DHX35: variants seen among roughly 807,000 people sequenced by gnomAD.
DHX35 encodes probable ATP-dependent RNA helicase DHX35.
In DHX35, 84 loss-of-function variants were observed where a neutral mutation model predicts 99.6. The ratio of observed to expected loss-of-function variants is 0.84; its 90% CI spans 0.71 to 1.01. DHX35 has a LOEUF of 1.01. DHX35 is among the 50% of genes least tolerant of loss of function. The probability of loss-of-function intolerance (pLI) is 0.00; values close to 1 mark genes in which losing one functional copy is unlikely to be tolerated. For synonymous variants in DHX35, 331 were observed against 316.2 expected, an observed-to-expected ratio of 1.05 and a Z score of -0.50; for missense variants, 852 against 888.5, an observed-to-expected ratio of 0.96 and a Z score of 0.52.
At chr20:39,030,932 G>A (rs1250627739) in intron 20 of DHX35, among the ~76,000 whole-genome samples, 157 bp downstream of exon 20, 9 of 152,208 alleles carry the variant, frequency 5.9e-5, no homozygotes, top group Non-Finnish European at 1.2e-4. Flanking sequence ...GGAGGCCAAT[G>A]TAGGCAGGTC....
chr20:39,033,889 C>T lies in DHX35; in HGVS notation c.1956-317C>T, dbSNP rs188537832. On this transcript the variant is annotated intron_variant, in intron 20 of 21. Transcript: ENST00000252011. ...AGGCAAGTCTTTGCCTCCATTTCTG[C>T]ATTTTCTAATAAAGTCATTAGGCTC... Among the ~76,000 whole-genome samples the T allele has an allele frequency of 4.5e-3, 680 of 152,322 alleles. 1 individual carries two copies. The highest frequency in any genetic ancestry group is 8.4e-3 in the Admixed American group (129 of 15,304).
chr20:38,984,802 A>C (rs964679242), intron 4 of DHX35, among the ~76,000 whole-genome samples: 1 of 151,844 alleles, frequency 6.6e-6, no homozygotes, highest in Non-Finnish European at 1.5e-5. Context: ...GAATGGATTC[A>C]TTACTCATCA....
chr20:39,016,723 GA>G (rs1245452627), intron 14 of DHX35, among the ~76,000 whole-genome samples: 2 of 152,192 alleles, frequency 1.3e-5, no homozygotes, highest in Admixed American at 1.3e-4. Context: ...TAGTGGGTGT[GA>G]AATGGTATCT....
chr20:39,035,703 G>A (rs762644792), intron 21 of DHX35, among the ~76,000 whole-genome samples: 10 of 152,304 alleles, frequency 6.6e-5, no homozygotes, highest in East Asian at 5.8e-4. Flanking sequence ...GCCAGGTGCC[G>A]TAGTCCCATG....
intron 2 of DHX35, among the ~76,000 whole-genome samples, chr20:38,972,045 G>T: frequency 8.7e-6 from 1 of 114,916 alleles, no homozygotes. Flanking sequence ...GTCTCACCCT[G>T]TTGCTCAGGC....
chr20:39,012,397 G>T (rs1393805334), intron 13 of DHX35, among the ~76,000 whole-genome samples: 1 of 152,124 alleles, frequency 6.6e-6, no homozygotes, highest in Non-Finnish European at 1.5e-5. Context: ...ATCATTTACA[G>T]TAAATATTCA....
intron 20 of DHX35, among the ~76,000 whole-genome samples, chr20:39,032,675 C>A (rs2087075536): frequency 6.6e-6 from 1 of 152,166 alleles, no homozygotes; most frequent in African/African-American, 2.4e-5. Context: ...ATCAGTATCA[C>A]CTGGAAACTT....
In DHX35 at chr20:38,991,532, TA is replaced by T; in HGVS notation, c.512+18del. 20 of 1,610,562 alleles carry T rather than the reference TA, an allele frequency of 1.2e-5. No individual in the cohort carries two copies. Among genetic ancestry groups the T allele is most frequent in the Non-Finnish European group, 1.7e-5 (20 of 1,177,974 alleles). On this transcript the variant is annotated intron_variant, in intron 6 of 21. Coordinates refer to ENST00000252011, the MANE Select transcript of DHX35 (RefSeq NM_021931.4). The stretch of plus-strand genomic sequence containing the variant: ...AAAATATAGGTAAATGTGTTTTTCT[TA>T]TGATAGCTTTCCTAGTTTCCAAAGT...
In DHX35 at chr20:39,036,523, C is replaced by T. The variant is rs4812353; in HGVS notation, c.2068-1976C>T. Reference sequence around the variant, plus strand: ...GGTGGAACACATGAGGACAGGAGTTCGAGACCAGCCTGGCCAACATGGTGA... The same window carrying T: ...GGTGGAACACATGAGGACAGGAGTTTGAGACCAGCCTGGCCAACATGGTGA... On this transcript the variant is annotated intron_variant, in intron 21 of 21. Coordinates refer to ENST00000252011, the MANE Select transcript of DHX35 (RefSeq NM_021931.4). Among the ~76,000 whole-genome samples the T allele has an allele frequency of 7.0e-3, 1,067 of 151,842 alleles. 38 individuals are homozygous for T. The highest frequency in any genetic ancestry group is 0.046 in the Admixed American group (706 of 15,250).
At chr20:38,995,030 AG>A in intron 8 of DHX35, 150 bp downstream of exon 8, 1 of 637,780 alleles carries the variant, frequency 1.6e-6, no homozygotes, top group Non-Finnish European at 2.8e-6. Flanking sequence ...TCATATAATC[AG>A]AGGTTACTCC....
chr20:39,014,923 A>T lies in DHX35; in HGVS notation c.1391A>T (p.Tyr464Phe). 1 of 1,614,126 alleles carries T rather than the reference A, an allele frequency of 6.2e-7. No individual in the cohort carries two copies. The highest frequency in any genetic ancestry group is 1.3e-5 in the African/African-American group (1 of 75,016). Residue 464 changes from tyrosine (Y) to phenylalanine (F), a missense_variant, in exon 14 of 22, where the codon TAT (tyrosine) becomes TTT (phenylalanine). Physicochemically the swap from Tyr to Phe is conservative, Grantham distance 22. Transcript: ENST00000252011. ...ATGGTTCAAGCCTTGGAGTTACTGT[A>T]TGCTCTGGGAGGTATGCCAGTTTCT... ...QSMVQALELLYALGGLDKDCR... is the reference protein window; with the variant it reads ...QSMVQALELLFALGGLDKDCR...
At chr20:39,016,887 T>A (rs1479644213) in intron 14 of DHX35, among the ~76,000 whole-genome samples, 2 of 151,018 alleles carry the variant, frequency 1.3e-5, no homozygotes, top group South Asian at 2.1e-4. Context: ...TTTTTTTTTT[T>A]AAATTGAGTT....
chr20:38,985,439 C>T (rs752979945), intron 4 of DHX35, among the ~76,000 whole-genome samples: 1 of 149,992 alleles, frequency 6.7e-6, no homozygotes, highest in Non-Finnish European at 1.5e-5. Flanking sequence ...GTGGCCTTTA[C>T]CTGGACAAAC....
intron 7 of DHX35, among the ~76,000 whole-genome samples, 155 bp downstream of exon 7, chr20:38,992,580 T>C (rs1207971444): frequency 2.0e-5 from 3 of 151,342 alleles, no homozygotes; most frequent in South Asian, 4.2e-4. Context: ...AGTGGTAGAA[T>C]GTTGGTATAT....
chr20:38,967,140 C>T (rs2085923494), intron 1 of DHX35, among the ~76,000 whole-genome samples: 1 of 152,146 alleles, frequency 6.6e-6, no homozygotes, highest in Admixed American at 6.5e-5. Flanking sequence ...TCTACGGACC[C>T]CCCCGAATTT....
chr20:39,028,446 T>C lies in DHX35; in HGVS notation c.1830T>C (p.Ile610=). ...EGDPDLVLRC[I]VSGFFANAAR... ...ACCCGGATCTGGTTCTGAGGTGCAT[T>C]GTCTCCGGCTTCTTCGCCAATGCAG... The change falls in exon 19 of 22, where the codon ATT becomes ATC. Residue 610 remains isoleucine (I), a synonymous_variant. Transcript: ENST00000252011. The C allele has an allele frequency of 6.2e-7, 1 of 1,614,250 alleles. No individual in the cohort carries two copies. Among genetic ancestry groups the C allele is most frequent in the Non-Finnish European group, 8.5e-7 (1 of 1,180,050 alleles).
intron 8 of DHX35, among the ~76,000 whole-genome samples, chr20:38,998,957 C>T (rs527733636): frequency 6.6e-6 from 1 of 152,060 alleles, no homozygotes; most frequent in African/African-American, 2.4e-5. Flanking sequence ...CCACCACGCT[C>T]AGCCAATTTT....
chr20:38,986,933 G>T (rs1166071917), intron 4 of DHX35, among the ~76,000 whole-genome samples: 1 of 152,212 alleles, frequency 6.6e-6, no homozygotes, highest in African/African-American at 2.4e-5. Context: ...GGAAACGCCT[G>T]GGTGTGCCTA....
intron 3 of DHX35, chr20:38,978,302 G>C: frequency 2.6e-6 from 2 of 762,264 alleles, no homozygotes; most frequent in South Asian, 1.3e-5. Context: ...AAAGATAACT[G>C]GTGCTCATCT....
Sources: allele counts gnomAD v4.1 joint callset (sites outside exome capture counted in the v4.1 genomes callset), GRCh38; gene constraint gnomAD v4.1.1; transcripts MANE v1.5; gene names NCBI Gene and HGNC (gene_info 2026-07-23, HGNC 2026-07-21).